SEL1L2: variants seen among roughly 807,000 people sequenced by gnomAD.
SEL1L2 encodes the protein SEL1L2 adaptor subunit of SYVN1 ubiquitin ligase.
SEL1L2 carries 89 observed loss-of-function variants against 98.8 expected under a neutral mutation model. That is an observed-to-expected ratio of 0.90 (90% CI 0.76 to 1.07). The LOEUF (loss-of-function observed/expected upper bound fraction) is 1.07, where lower values mean the gene tolerates loss of function less well. Ranked by LOEUF, SEL1L2 falls within the 50% of genes least tolerant of loss-of-function variation. The pLI is 0.00. For missense variants in SEL1L2, 788 were observed against 812.0 expected (o/e 0.97, Z 0.36); for synonymous variants, 262 against 278.5 (o/e 0.94, Z 0.59).
rs1180311458 is a variant in SEL1L2, at chr20:13,887,960, C to T, written c.645G>A (p.Met215Ile). The T allele has an allele frequency of 6.2e-7, 1 of 1,613,782 alleles. No individual in the cohort carries two copies. Among genetic ancestry groups the T allele is most frequent in the East Asian group, 2.2e-5 (1 of 44,796 alleles). The part of the protein sequence containing the change: ...YYTFGSAGGN[M>I]MSQMILGYRY... ...TACAAACCAAAATCATCTGGGACAT[C>T]ATGTTTCCTCCAGCACTTCCAAAGG... The change falls in exon 7 of 20, where the codon ATG (methionine) becomes ATA (isoleucine). Residue 215 changes from methionine to isoleucine, a missense_variant. Physicochemically the swap from Met to Ile is conservative, Grantham distance 10. Transcript: ENST00000284951.
At chr20:13,988,792 C>T (rs2052384768) in intron 1 of SEL1L2, among the ~76,000 whole-genome samples, 1 of 152,108 alleles carries the variant, frequency 6.6e-6, no homozygotes, top group Admixed American at 6.6e-5. Context: ...GCGGGTGAAT[C>T]ACCTGAGGTC....
intron 12 of SEL1L2, among the ~76,000 whole-genome samples, chr20:13,874,318 G>C (rs2046338373): frequency 6.6e-6 from 1 of 152,176 alleles, no homozygotes; most frequent in Non-Finnish European, 1.5e-5. Context: ...GTAAGAGTGA[G>C]AAATCTAATA....
intron 18 of SEL1L2, among the ~76,000 whole-genome samples, chr20:13,852,707 G>A (rs1988472310): frequency 6.6e-6 from 1 of 152,166 alleles, no homozygotes; most frequent in Admixed American, 6.6e-5. Context: ...TAACTAAAAT[G>A]TTATGTGGAT....
intron 5 of SEL1L2, among the ~76,000 whole-genome samples, chr20:13,907,743 T>TTTC (rs1392254931): frequency 1.7e-5 from 1 of 57,940 alleles, no homozygotes; most frequent in Non-Finnish European, 3.2e-5. Flanking sequence ...TCTTTCTTTC[T>TTTC]TTCTTTTCTT....
At chr20:13,993,788 T>C (rs1225533219), upstream of SEL1L2, among the ~76,000 whole-genome samples, 2 of 152,186 alleles carry the variant, frequency 1.3e-5, no homozygotes, top group African/African-American at 4.8e-5. Context: ...TTTGCCCCCT[T>C]ACCCATCCTA....
chr20:13,926,329 T>G (rs1008414052), intron 3 of SEL1L2, among the ~76,000 whole-genome samples: 3 of 151,774 alleles, frequency 2.0e-5, no homozygotes, highest in African/African-American at 7.3e-5. Context: ...AAAAAAAAAT[T>G]AAATAAATAA....
At chr20:13,945,996 C>T (rs2049989456) in intron 2 of SEL1L2, among the ~76,000 whole-genome samples, 1 of 152,044 alleles carries the variant, frequency 6.6e-6, no homozygotes, top group African/African-American at 2.4e-5. Flanking sequence ...TAATATCATA[C>T]TCAATGGTTA....
At position 13,934,085 on chromosome 20, in the gene SEL1L2, G is replaced by A. The variant is rs989138006; in HGVS notation, c.115-2314C>T. On this transcript the variant is annotated intron_variant, in intron 2 of 19. Coordinates refer to ENST00000284951, the MANE Select transcript of SEL1L2 (RefSeq NM_025229.2). Reference sequence around the variant, plus strand: ...ACCCATCACCCGAGCAGTATACACGGAACCCAATTTGTAGCCTTTTATTCC... The same window carrying A: ...ACCCATCACCCGAGCAGTATACACGAAACCCAATTTGTAGCCTTTTATTCC... Among the ~76,000 whole-genome samples the A allele has an allele frequency of 2.0e-5, 3 of 149,850 alleles. No homozygotes were observed. In the East Asian group the frequency reaches 6.0e-4, roughly 30 times the overall value.
chr20:13,976,314 G>T (rs1485134433), intron 1 of SEL1L2, among the ~76,000 whole-genome samples: 4 of 151,592 alleles, frequency 2.6e-5, no homozygotes, highest in African/African-American at 9.7e-5. Flanking sequence ...TTTTTTTGTT[G>T]TTGTTGTTGT....
intron 10 of SEL1L2, among the ~76,000 whole-genome samples, chr20:13,882,912 G>A (rs1200821863): frequency 2.0e-5 from 3 of 149,918 alleles, no homozygotes; most frequent in Non-Finnish European, 3.0e-5. Context: ...CGCCTCCCGG[G>A]TTCACGCCAT....
At chr20:13,971,518 C>T (rs1003078883) in intron 1 of SEL1L2, among the ~76,000 whole-genome samples, 2 of 152,086 alleles carry the variant, frequency 1.3e-5, no homozygotes, top group African/African-American at 4.8e-5. Context: ...CTTCACCTCC[C>T]AGGCTCAAGC....
At chr20:13,933,353 C>T (rs2049243022) in intron 2 of SEL1L2, among the ~76,000 whole-genome samples, 1 of 152,068 alleles carries the variant, frequency 6.6e-6, no homozygotes, top group Non-Finnish European at 1.5e-5. Flanking sequence ...TTACCACAGT[C>T]AATTTTAGAA....
upstream of SEL1L2, among the ~76,000 whole-genome samples, chr20:13,994,347 T>C (rs1177210736): frequency 6.6e-6 from 1 of 151,434 alleles, no homozygotes; most frequent in Non-Finnish European, 1.5e-5. Flanking sequence ...CCTTACCATG[T>C]TGTGAATCAT....
chr20:13,953,911 C>T (rs181552608), intron 2 of SEL1L2, among the ~76,000 whole-genome samples: 2 of 152,276 alleles, frequency 1.3e-5, no homozygotes, highest in Admixed American at 6.5e-5. Context: ...TCAGTTACTT[C>T]CCGATGGTAC....
At chr20:13,866,880 C>T (rs745348564) in intron 14 of SEL1L2, 30 bp from the exon 15 acceptor site, 1 of 1,568,422 alleles carries the variant, frequency 6.4e-7, no homozygotes, top group East Asian at 2.3e-5. Flanking sequence ...TGAGCCACCC[C>T]TTATTGACTT....
chr20:13,933,977 T>TTA (rs397693256), intron 2 of SEL1L2, among the ~76,000 whole-genome samples: 6 of 151,042 alleles, frequency 4.0e-5, no homozygotes, highest in South Asian at 2.1e-4. Context: ...TTTTTTTTTT[T>TTA]AATTTCCACA....
intron 13 of SEL1L2, 131 bp from the exon 14 acceptor site, chr20:13,869,721 C>A: frequency 1.6e-6 from 1 of 608,928 alleles, no homozygotes; most frequent in South Asian, 2.4e-5. Flanking sequence ...GTATCAGAAA[C>A]ATTATATATT....
intron 4 of SEL1L2, among the ~76,000 whole-genome samples, chr20:13,916,464 T>A (rs2148208351): frequency 6.6e-6 from 1 of 152,252 alleles, no homozygotes; most frequent in Non-Finnish European, 1.5e-5. Flanking sequence ...TCCTGAGATC[T>A]CTTTCTATGA....
intron 1 of SEL1L2, among the ~76,000 whole-genome samples, chr20:13,959,404 T>C (rs769328146): frequency 6.6e-6 from 1 of 152,066 alleles, no homozygotes; most frequent in African/African-American, 2.4e-5. Context: ...TGAATCCCAG[T>C]GAAACCATGA....
Sources: gnomAD v4.1 joint callset for allele counts (sites outside exome capture counted in the v4.1 genomes callset) on GRCh38, gnomAD v4.1.1 for gene constraint, MANE v1.5 for transcripts, NCBI Gene and HGNC (gene_info 2026-07-23, HGNC 2026-07-21) for gene names.